DDR2: variants seen among roughly 807,000 people sequenced by gnomAD.
DDR2 encodes the protein discoidin domain receptor tyrosine kinase 2, also known as discoidin domain-containing receptor 2.
DDR2 carries 27 observed loss-of-function variants against 94.9 expected under a neutral mutation model. The observed-to-expected ratio is 0.28, with a 90% CI of 0.21 to 0.39. DDR2 has a LOEUF of 0.39. Among genes scored for constraint, DDR2 ranks in the 10% least tolerant of loss-of-function variants. DDR2 has a pLI of 1.00. For missense variants in DDR2, 783 were observed against 1,076.0 expected (o/e 0.73, Z 3.81); for synonymous variants, 382 against 377.2 (o/e 1.01, Z -0.15).
chr1:162,692,604 C>T (rs1660007284), intron 2 of DDR2, among the ~76,000 whole-genome samples: 1 of 152,192 alleles, frequency 6.6e-6, no homozygotes. Flanking sequence ...CCACTACATA[C>T]CCACTAAAGT....
intron 1 of DDR2, among the ~76,000 whole-genome samples, chr1:162,647,246 T>C (rs1657460411): frequency 6.6e-6 from 1 of 152,202 alleles, no homozygotes; most frequent in African/African-American, 2.4e-5. Context: ...GAATAAATCT[T>C]CCCCTGCGTT....
intron 2 of DDR2, among the ~76,000 whole-genome samples, chr1:162,664,008 G>C (rs982004381): frequency 6.6e-6 from 1 of 152,138 alleles, no homozygotes; most frequent in Non-Finnish European, 1.5e-5. Flanking sequence ...AAATATCCAA[G>C]AGTCTGAGAG....
At chr1:162,741,224 T>TAATATAATATAA (rs1662585219) in intron 3 of DDR2, among the ~76,000 whole-genome samples, 2 of 137,406 alleles carry the variant, frequency 1.5e-5, no homozygotes, top group Admixed American at 1.5e-4. Context: ...TAATATAATA[T>TAATATAATATAA]AATATAATAT....
At chr1:162,701,882 A>G (rs1660447080) in intron 2 of DDR2, among the ~76,000 whole-genome samples, 1 of 152,234 alleles carries the variant, frequency 6.6e-6, no homozygotes, top group South Asian at 2.1e-4. Context: ...TTTGAAGACC[A>G]ACATTAAGTC....
chr1:162,721,648 A>G (rs1270102649), intron 3 of DDR2, among the ~76,000 whole-genome samples: 2 of 152,252 alleles, frequency 1.3e-5, no homozygotes, highest in African/African-American at 2.4e-5. Flanking sequence ...ACTGGTGTCA[A>G]CTGAAAGACT....
intron 3 of DDR2, among the ~76,000 whole-genome samples, chr1:162,723,937 G>A (rs1172234690): frequency 6.6e-6 from 1 of 152,196 alleles, no homozygotes; most frequent in African/African-American, 2.4e-5. Flanking sequence ...GAGAGGACGA[G>A]CTTTTCTCCT....
At chr1:162,673,839 A>G (rs551454643) in intron 2 of DDR2, among the ~76,000 whole-genome samples, 60 of 152,090 alleles carry the variant, frequency 3.9e-4, no homozygotes, top group African/African-American at 1.4e-3. Context: ...ATGTGTATCT[A>G]TTTGCCTCCA....
In DDR2 at chr1:162,719,120, T is replaced by A; in HGVS notation, c.57T>A (p.Ser19Arg). The A allele has an allele frequency of 6.2e-7, 1 of 1,613,790 alleles. No homozygotes were observed. Among genetic ancestry groups the A allele is most frequent in the South Asian group, 1.1e-5 (1 of 91,076 alleles). Residue 19 changes from serine (S) to arginine (R), a missense_variant, in exon 3 of 18, where the codon AGT (serine) becomes AGA (arginine). Around this residue, in one of 2 missense-constraint regions of DDR2, gnomAD observed 519 missense variants for 647.9 expected, o/e 0.80. Coordinates refer to ENST00000367921, the MANE Select transcript of DDR2 (RefSeq NM_006182.4). ...TGTTCCTGCTGCTGCCTATCTTGAG[T>A]TCTGCAAAAGCTCAGGTTAATCCAG... ...LVLFLLLPIL[S>R]SAKAQVNPAI...
chr1:162,652,589 AT>A (rs967250499), intron 1 of DDR2, among the ~76,000 whole-genome samples: 3 of 152,230 alleles, frequency 2.0e-5, no homozygotes, highest in African/African-American at 7.2e-5. Context: ...CCCACAGCTC[AT>A]TTTGGTTCAC....
chr1:162,782,319 TG>T lies in DDR2; in HGVS notation c.*2076del, dbSNP rs1647948217. ...ACTGGAAAATTGGATCTATAACTGA[TG>T]GGTTTAGTAATCTGGTCATTTCTTG... is the stretch of plus-strand genomic sequence containing the variant. On this transcript the variant is annotated 3_prime_UTR_variant, in exon 18 of 18. Transcript: ENST00000367921. 6.6e-6 allele frequency: 1 copy of T among 152,222 alleles called. No homozygotes were observed. The highest frequency in any genetic ancestry group is 2.4e-5 in the African/African-American group (1 of 41,460). 9.4% of individuals were successfully genotyped at this position (152,222 alleles called of 1,614,324 possible). A position where few individuals can be genotyped will look rare whatever the true frequency, so the allele number is the denominator to read the frequency against.
intron 2 of DDR2, among the ~76,000 whole-genome samples, chr1:162,691,151 C>T (rs1206070765): frequency 6.6e-6 from 1 of 152,148 alleles, no homozygotes; most frequent in Non-Finnish European, 1.5e-5. Flanking sequence ...CTTTAGTGGC[C>T]TTGTGAGTTC....
chr1:162,742,683 A>G (rs1358265744), intron 3 of DDR2, among the ~76,000 whole-genome samples: 1 of 152,176 alleles, frequency 6.6e-6, no homozygotes, highest in Non-Finnish European at 1.5e-5. Flanking sequence ...CAAATATCCA[A>G]ACTATATCTG....
intron 2 of DDR2, among the ~76,000 whole-genome samples, chr1:162,673,608 TGAGAGAGAGAGAGA>T (rs10684469): frequency 1.2e-3 from 146 of 117,244 alleles, no homozygotes; most frequent in African/African-American, 3.9e-3. Context: ...TGTGTGTGTG[TGAGAGAGAGAGAGA>T]GAGAGAGAGA....
At chr1:162,703,487 C>A (rs1157337963) in intron 2 of DDR2, among the ~76,000 whole-genome samples, 2 of 152,092 alleles carry the variant, frequency 1.3e-5, no homozygotes, top group Non-Finnish European at 2.9e-5. Flanking sequence ...CATTTAGTGC[C>A]AGCCCTGTGT....
chr1:162,750,077 C>T (rs891169969), intron 3 of DDR2, among the ~76,000 whole-genome samples: 1 of 152,170 alleles, frequency 6.6e-6, no homozygotes, highest in Non-Finnish European at 1.5e-5. Context: ...CCTTTGAAAA[C>T]TGGCACAAGA....
chr1:162,644,460 G>A (rs1477202410), intron 1 of DDR2, among the ~76,000 whole-genome samples: 2 of 152,172 alleles, frequency 1.3e-5, no homozygotes, highest in East Asian at 1.9e-4. Context: ...AGTTACAAAT[G>A]CATGATTCAG....
chr1:162,687,902 C>T (rs975914483), intron 2 of DDR2, among the ~76,000 whole-genome samples: 11 of 152,080 alleles, frequency 7.2e-5, no homozygotes, highest in South Asian at 2.1e-4. Context: ...TTTTATATGC[C>T]GCTGCAATCA....
At chr1:162,729,310 T>A (rs1330800071) in intron 3 of DDR2, among the ~76,000 whole-genome samples, 207 of 133,204 alleles carry the variant, frequency 1.6e-3, no homozygotes, top group South Asian at 7.4e-3. Flanking sequence ...ATTTTTTTTT[T>A]TTTTTTTTTT....
At chr1:162,737,878 G>C (rs1662388337) in intron 3 of DDR2, among the ~76,000 whole-genome samples, 1 of 150,048 alleles carries the variant, frequency 6.7e-6, no homozygotes, top group Non-Finnish European at 1.5e-5. Context: ...ATATCTCATA[G>C]TGGTTTTGAT....
Sources: gnomAD v4.1 joint callset for allele counts (sites outside exome capture counted in the v4.1 genomes callset) on GRCh38, gnomAD v4.1.1 for gene constraint, gnomAD v4.1.1 regional missense constraint, MANE v1.5 for transcripts, NCBI Gene and HGNC (gene_info 2026-07-23, HGNC 2026-07-21) for gene names.